The following LRP1B variants were observed in gnomAD, a reference collection of about 807,000 sequenced individuals.
LRP1B encodes the protein LDL receptor related protein 1B.
In LRP1B, 217 loss-of-function variants were observed where a neutral mutation model predicts 556.6. That is an observed-to-expected ratio of 0.39 (90% CI 0.35 to 0.44). The LOEUF is 0.44. Among genes scored for constraint, LRP1B ranks in the 20% least tolerant of loss-of-function variants. The probability of loss-of-function intolerance (pLI) is 1.00; values close to 1 mark genes in which losing one functional copy is unlikely to be tolerated. For synonymous variants in LRP1B, 2,047 were observed against 1,865.8 expected (o/e 1.10, Z -2.50); for missense variants, 5,053 against 5,620.8 (o/e 0.90, Z 3.23).
chr2:141,692,351 A>G (rs1397390961), intron 2 of LRP1B, among the ~76,000 whole-genome samples: 3 of 151,988 alleles, frequency 2.0e-5, no homozygotes, highest in Non-Finnish European at 4.4e-5. Flanking sequence ...CAAGTACGCT[A>G]AACTACTGTG....
chr2:141,971,620 G>A (rs1218959148), intron 1 of LRP1B, among the ~76,000 whole-genome samples: 3 of 151,488 alleles, frequency 2.0e-5, no homozygotes, highest in Admixed American at 2.0e-4. Flanking sequence ...GAATGAGTGG[G>A]TATGATGATT....
At chr2:141,144,492 A>G (rs1701733951) in intron 7 of LRP1B, among the ~76,000 whole-genome samples, 1 of 152,184 alleles carries the variant, frequency 6.6e-6, no homozygotes, top group Admixed American at 6.5e-5. Flanking sequence ...TTCATTCAAT[A>G]CCTTTTATTA....
chr2:141,057,241 G>A (rs959998242), intron 9 of LRP1B, among the ~76,000 whole-genome samples: 5 of 151,880 alleles, frequency 3.3e-5, no homozygotes, highest in African/African-American at 1.2e-4. Flanking sequence ...AAAAGTATAA[G>A]CAAAAGTTTT....
At chr2:141,700,286 G>C (rs1315527540) in intron 2 of LRP1B, among the ~76,000 whole-genome samples, 1 of 151,772 alleles carries the variant, frequency 6.6e-6, no homozygotes, top group African/African-American at 2.4e-5. Flanking sequence ...CTGGCAGACT[G>C]TAAACTCCAT....
chr2:141,989,278 CTGTA>C (rs3041440), intron 1 of LRP1B, among the ~76,000 whole-genome samples: 97,872 of 151,260 alleles, frequency 0.65, 32,349 homozygotes, highest in African/African-American at 0.79. Context: ...AAAGCAATAA[CTGTA>C]TGTTATTCTC....
chr2:140,911,695 A>G (rs977073872), intron 21 of LRP1B, among the ~76,000 whole-genome samples: 1 of 151,804 alleles, frequency 6.6e-6, no homozygotes, highest in African/African-American at 2.4e-5. Flanking sequence ...CTTAAGCATT[A>G]AATTGTATGA....
At chr2:140,249,320 T>A (rs2104903447) in intron 86 of LRP1B, among the ~76,000 whole-genome samples, 1 of 151,772 alleles carries the variant, frequency 6.6e-6, no homozygotes. Flanking sequence ...AAGATAAGGA[T>A]AGTGGGATTC....
chr2:140,448,984 A>G (rs1408343441), intron 63 of LRP1B, among the ~76,000 whole-genome samples: 1 of 152,072 alleles, frequency 6.6e-6, no homozygotes, highest in East Asian at 1.9e-4. Flanking sequence ...TGCCTCAAAA[A>G]GACACTAAAG....
At chr2:140,517,660 CATT>C (rs1194195547) in intron 49 of LRP1B, among the ~76,000 whole-genome samples, 1 of 148,978 alleles carries the variant, frequency 6.7e-6, no homozygotes, top group African/African-American at 2.5e-5. Context: ...GGAGTATTAT[CATT>C]ATTTTAACCT....
intron 86 of LRP1B, among the ~76,000 whole-genome samples, chr2:140,261,463 TGAG>T (rs1681933496): frequency 6.6e-6 from 1 of 151,872 alleles, no homozygotes; most frequent in Non-Finnish European, 1.5e-5. Flanking sequence ...ATTAATGATA[TGAG>T]GACCAAGGCA....
At chr2:140,972,373 A>G (rs1038088251) in intron 18 of LRP1B, among the ~76,000 whole-genome samples, 6 of 152,166 alleles carry the variant, frequency 3.9e-5, no homozygotes, top group African/African-American at 1.4e-4. Context: ...CCTTTCAAAT[A>G]AAAAATAATT....
intron 7 of LRP1B, among the ~76,000 whole-genome samples, chr2:141,067,572 TA>T (rs1192562967): frequency 3.3e-5 from 5 of 152,030 alleles, no homozygotes; most frequent in Non-Finnish European, 7.4e-5. Flanking sequence ...GTGTATTGGA[TA>T]TGTCAGGCAA....
chr2:141,312,504 A>G (rs1015846381), intron 3 of LRP1B, among the ~76,000 whole-genome samples: 22 of 152,132 alleles, frequency 1.4e-4, no homozygotes, highest in African/African-American at 5.1e-4. Flanking sequence ...GGGGGAGCTC[A>G]AAGTTATACA....
At chr2:140,945,500 C>T (rs1352737878) in intron 20 of LRP1B, among the ~76,000 whole-genome samples, 1 of 151,908 alleles carries the variant, frequency 6.6e-6, no homozygotes, top group Non-Finnish European at 1.5e-5. Context: ...GATAATGGTA[C>T]AAAAATAGAC....
intron 2 of LRP1B, among the ~76,000 whole-genome samples, chr2:141,550,751 T>C (rs560864524): frequency 6.6e-6 from 1 of 152,154 alleles, no homozygotes; most frequent in South Asian, 2.1e-4. Flanking sequence ...TAATTGCTTA[T>C]ACCAGTAAAA....
At chr2:141,230,150 C>T (rs540753350) in intron 5 of LRP1B, among the ~76,000 whole-genome samples, 18 of 152,222 alleles carry the variant, frequency 1.2e-4, no homozygotes, top group South Asian at 4.1e-4. Flanking sequence ...CATATTTAAA[C>T]GTAACAGTAA....
At chr2:141,829,752 T>G (rs1697053595) in intron 1 of LRP1B, among the ~76,000 whole-genome samples, 2 of 151,984 alleles carry the variant, frequency 1.3e-5, no homozygotes, top group African/African-American at 4.8e-5. Context: ...GTTTTGAATC[T>G]TCTTTTTTAC....
intron 23 of LRP1B, among the ~76,000 whole-genome samples, chr2:140,895,905 G>T (rs991696376): frequency 6.6e-6 from 1 of 152,078 alleles, no homozygotes; most frequent in Non-Finnish European, 1.5e-5. Flanking sequence ...TCTGCTGCCC[G>T]TGGAGCCTGG....
At chr2:142,109,759 G>A (rs1706890319) in intron 1 of LRP1B, among the ~76,000 whole-genome samples, 1 of 152,052 alleles carries the variant, frequency 6.6e-6, no homozygotes, top group African/African-American at 2.4e-5. Flanking sequence ...GAAACCAAAA[G>A]TGTAACATGT....
Sources: allele counts gnomAD v4.1 joint callset (sites outside exome capture counted in the v4.1 genomes callset), GRCh38; gene constraint gnomAD v4.1.1; transcripts MANE v1.5; gene names NCBI Gene and HGNC (gene_info 2026-07-23, HGNC 2026-07-21).